AKAP6: variants seen among roughly 807,000 people sequenced by gnomAD.
AKAP6 encodes the protein A-kinase anchoring protein 6.
AKAP6 carries 58 observed loss-of-function variants against 188.5 expected under a neutral mutation model. That is an observed-to-expected ratio of 0.31 (90% CI 0.25 to 0.38). The LOEUF is 0.38. AKAP6 is among the 10% of genes least tolerant of loss of function. The pLI, the probability that AKAP6 is intolerant of heterozygous loss-of-function variation, is 1.00. For missense variants in AKAP6, 2,710 were observed against 2,740.0 expected, an observed-to-expected ratio of 0.99 and a Z score of 0.24; for synonymous variants, 989 against 998.6, an observed-to-expected ratio of 0.99 and a Z score of 0.18.
At chr14:32,805,240 G>C (rs12897884) in intron 12 of AKAP6, among the ~76,000 whole-genome samples, 1 of 151,924 alleles carries the variant, frequency 6.6e-6, no homozygotes, top group African/African-American at 2.4e-5. Flanking sequence ...CCCTCTGTTC[G>C]GGGTCCCTGA....
chr14:32,448,877 C>T (rs1890841810), intron 2 of AKAP6, among the ~76,000 whole-genome samples: 1 of 152,098 alleles, frequency 6.6e-6, no homozygotes, highest in Admixed American at 6.5e-5. Flanking sequence ...AATCTTGATT[C>T]TACAAGGGAG....
At chr14:32,817,466 TG>T (rs1326522143) in intron 12 of AKAP6, among the ~76,000 whole-genome samples, 1 of 122,856 alleles carries the variant, frequency 8.1e-6, no homozygotes, top group East Asian at 2.5e-4. Flanking sequence ...TGTGTGTGTG[TG>T]TGTGTGTGTG....
intron 12 of AKAP6, among the ~76,000 whole-genome samples, chr14:32,819,372 A>G (rs2034463727): frequency 6.6e-6 from 1 of 152,142 alleles, no homozygotes; most frequent in Non-Finnish European, 1.5e-5. Flanking sequence ...CTTCTTAGGA[A>G]AGTTTGCTAA....
Position 32,824,740 on chromosome 14 carries a change from T to G in AKAP6, c.6927T>G (p.Leu2309=), listed in dbSNP as rs2034632242. ...CCTGTGAAGAAAATCTTCTAAACCT[T>G]CATGAAAAACGACATAGAAATATGC... ...TLTCEENLLN[L]HEKRHRNMHR Residue 2309 remains leucine, a synonymous_variant, in exon 13 of 14, where the codon CTT becomes CTG. Coordinates refer to ENST00000280979, the MANE Select transcript of AKAP6 (RefSeq NM_004274.5). The G allele has an allele frequency of 1.2e-6, 2 of 1,611,850 alleles. No homozygotes were observed. Among genetic ancestry groups the G allele is most frequent in the Non-Finnish European group, 1.7e-6 (2 of 1,179,392 alleles).
At chr14:32,794,223 A>C (rs987031131) in intron 12 of AKAP6, among the ~76,000 whole-genome samples, 1 of 152,158 alleles carries the variant, frequency 6.6e-6, no homozygotes, top group Admixed American at 6.6e-5. Context: ...ATTGAAAAAC[A>C]TGCTCCTGAA....
intron 13 of AKAP6, among the ~76,000 whole-genome samples, chr14:32,827,960 C>CTATGTG (rs1435128591): frequency 6.6e-6 from 1 of 152,010 alleles, no homozygotes; most frequent in Non-Finnish European, 1.5e-5. Context: ...TTTTGTTTTA[C>CTATGTG]TATGTGTATG....
chr14:32,521,622 A>G (rs1881837908), intron 2 of AKAP6, among the ~76,000 whole-genome samples: 1 of 152,190 alleles, frequency 6.6e-6, no homozygotes. Context: ...TAGGAATCCA[A>G]CTTACAAGGG....
chr14:32,499,641 A>G (rs1880504701), intron 2 of AKAP6, among the ~76,000 whole-genome samples: 4 of 151,866 alleles, frequency 2.6e-5, no homozygotes. Flanking sequence ...AATAATATTA[A>G]ATATCACTAT....
chr14:32,692,765 T>A (rs1156428800), intron 8 of AKAP6, among the ~76,000 whole-genome samples: 1 of 152,172 alleles, frequency 6.6e-6, no homozygotes, highest in Non-Finnish European at 1.5e-5. Flanking sequence ...GCCCTTGAAT[T>A]TCTTAGTCAT....
chr14:32,787,719 A>G lies in AKAP6; in HGVS notation c.3588+13826A>G, dbSNP rs548814670. 1.4e-4 allele frequency among the ~76,000 whole-genome samples: 21 copies of G among 152,310 alleles called. No homozygotes were observed. In the South Asian group the frequency reaches 3.9e-3, roughly 29 times the overall value. On this transcript the variant is annotated intron_variant, in intron 12 of 13. Transcript: ENST00000280979. Reference sequence around the variant, plus strand: ...TCGCTGTTAAAAAAAGTCTTTATGCATGTCAAAAACAGCTCTCTTCTTTAG... The same window carrying G: ...TCGCTGTTAAAAAAAGTCTTTATGCGTGTCAAAAACAGCTCTCTTCTTTAG...
intron 5 of AKAP6, among the ~76,000 whole-genome samples, chr14:32,584,421 G>C (rs1462290083): frequency 6.6e-6 from 1 of 152,140 alleles, no homozygotes; most frequent in Non-Finnish European, 1.5e-5. Context: ...TTTATGTCTG[G>C]AGCTTTGCAT....
At chr14:32,803,072 A>G (rs2033993002) in intron 12 of AKAP6, among the ~76,000 whole-genome samples, 1 of 152,234 alleles carries the variant, frequency 6.6e-6, no homozygotes, top group South Asian at 2.1e-4. Context: ...CCTGGGCAAC[A>G]GAGTGAGTCT....
chr14:32,369,554 C>CTT (rs1887943487), intron 1 of AKAP6, among the ~76,000 whole-genome samples: 1 of 152,142 alleles, frequency 6.6e-6, no homozygotes, highest in Non-Finnish European at 1.5e-5. Context: ...CCTTTTGATC[C>CTT]TGGGTCACTG....
rs935715724 is a variant in AKAP6 at position 32,692,442 on chromosome 14, G to A, written c.2880-3548G>A. Among the ~76,000 whole-genome samples, 10 of 152,256 alleles carry A rather than the reference G, an allele frequency of 6.6e-5. No homozygotes were observed. In the East Asian group the frequency reaches 1.9e-3, roughly 29 times the overall value. On this transcript the variant is annotated intron_variant, in intron 8 of 13. Transcript: ENST00000280979. ...TAAAAAGAGGAGGAGGTGAAAGGAA[G>A]GGGAAGGCAATTAACATTGATTTAA... is the stretch of plus-strand genomic sequence containing the variant.
intron 1 of AKAP6, among the ~76,000 whole-genome samples, chr14:32,349,003 A>C (rs1360107128): frequency 1.3e-5 from 2 of 152,188 alleles, no homozygotes; most frequent in African/African-American, 4.8e-5. Context: ...CTTGAGGTAG[A>C]GGCACCATTT....
chr14:32,576,854 A>G (rs181405853), intron 4 of AKAP6, among the ~76,000 whole-genome samples: 2 of 152,228 alleles, frequency 1.3e-5, no homozygotes, highest in East Asian at 3.9e-4. Context: ...GTGACACCCC[A>G]CAATCCAATC....
At chr14:32,661,376 A>T (rs1027044432) in intron 7 of AKAP6, among the ~76,000 whole-genome samples, 1 of 152,098 alleles carries the variant, frequency 6.6e-6, no homozygotes, top group African/African-American at 2.4e-5. Context: ...TTTAAAGGGA[A>T]GGAGTGACAA....
intron 3 of AKAP6, among the ~76,000 whole-genome samples, chr14:32,537,217 G>T (rs544656835): frequency 7.2e-5 from 11 of 152,136 alleles, no homozygotes; most frequent in Non-Finnish European, 1.5e-4. Flanking sequence ...AATCAAAATC[G>T]ACTAGGCTTA....
In AKAP6 at chr14:32,836,473, A is replaced by G. The variant is rs1324801618; in HGVS notation, c.*6668A>G. 1 of 152,130 alleles carries G rather than the reference A, an allele frequency of 6.6e-6. No individual in the cohort carries two copies. Among genetic ancestry groups the G allele is most frequent in the Non-Finnish European group, 1.5e-5 (1 of 68,028 alleles). The allele number at this position is 152,130 out of a possible 1,614,324, so 9.4% of individuals were successfully genotyped here. A position where few individuals can be genotyped will look rare whatever the true frequency, so the allele number is the denominator to read the frequency against. On this transcript the variant is annotated 3_prime_UTR_variant, in exon 14 of 14. Coordinates refer to ENST00000280979, the MANE Select transcript of AKAP6 (RefSeq NM_004274.5). ...TTGGGGATTAGGTTTCAACATACCA[A>G]TTTTGGGGGTACACAAATATTGAGG...
Sources: allele counts gnomAD v4.1 joint callset (sites outside exome capture counted in the v4.1 genomes callset), GRCh38; gene constraint gnomAD v4.1.1; transcripts MANE v1.5; gene names NCBI Gene and HGNC (gene_info 2026-07-23, HGNC 2026-07-21).